Variants in SYNDIG1 observed in about 807,000 individuals in gnomAD.
The protein encoded by SYNDIG1 is synapse differentiation inducing 1, also known as synapse differentiation-inducing gene protein 1.
SYNDIG1 carries 9 observed loss-of-function variants against 19.4 expected under a neutral mutation model. That is an observed-to-expected ratio of 0.46 (90% CI 0.28 to 0.81). The LOEUF (loss-of-function observed/expected upper bound fraction) is 0.81. SYNDIG1 is among the 30% of genes least tolerant of loss of function. The pLI is 0.12. For synonymous variants in SYNDIG1, 141 were observed against 145.9 expected, an observed-to-expected ratio of 0.97 and a Z score of 0.24; for missense variants, 311 against 343.3, an observed-to-expected ratio of 0.91 and a Z score of 0.74.
chr20:24,578,511 C>T (rs1273462996), intron 2 of SYNDIG1, among the ~76,000 whole-genome samples: 1 of 151,508 alleles, frequency 6.6e-6, no homozygotes, highest in Non-Finnish European at 1.5e-5. Context: ...GTAGACAAAT[C>T]GGTATCACGT....
intron 3 of SYNDIG1, among the ~76,000 whole-genome samples, chr20:24,605,422 C>G (rs1030469062): frequency 6.6e-6 from 1 of 152,006 alleles, no homozygotes; most frequent in Non-Finnish European, 1.5e-5. Context: ...TATCTCTCCT[C>G]TCTCTCTCTC....
At chr20:24,626,631 A>G (rs1025265464) in intron 3 of SYNDIG1, among the ~76,000 whole-genome samples, 1 of 147,650 alleles carries the variant, frequency 6.8e-6, no homozygotes, top group African/African-American at 2.5e-5. Context: ...ATCCCAGACG[A>G]TGGGCGGCCA....
intron 3 of SYNDIG1, among the ~76,000 whole-genome samples, chr20:24,627,663 C>G (rs554895174): frequency 6.6e-6 from 1 of 152,382 alleles, no homozygotes; most frequent in African/African-American, 2.4e-5. Context: ...TGGTTTGATT[C>G]CCAGTCTCAG....
At chr20:24,595,696 A>G (rs537361634) in intron 3 of SYNDIG1, among the ~76,000 whole-genome samples, 28 of 152,252 alleles carry the variant, frequency 1.8e-4, no homozygotes, top group African/African-American at 6.3e-4. Context: ...CAGGGGTTCA[A>G]TTTCTTCCTG....
chr20:24,590,178 G>A (rs1414372871), intron 3 of SYNDIG1, among the ~76,000 whole-genome samples: 2 of 152,130 alleles, frequency 1.3e-5, no homozygotes, highest in African/African-American at 2.4e-5. Context: ...TGATAAAGCC[G>A]CCAGTTGAGC....
intron 1 of SYNDIG1, among the ~76,000 whole-genome samples, chr20:24,496,267 G>A (rs1388956537): frequency 6.6e-6 from 1 of 152,172 alleles, no homozygotes; most frequent in Non-Finnish European, 1.5e-5. Context: ...TCCGCCAGCT[G>A]TGGTGCTGAT....
intron 1 of SYNDIG1, among the ~76,000 whole-genome samples, chr20:24,471,617 A>AAG (rs1306590169): frequency 2.0e-5 from 3 of 151,574 alleles, no homozygotes; most frequent in Non-Finnish European, 2.9e-5. Context: ...AAAAAAAAAA[A>AAG]AAGGAAAGAA....
chr20:24,642,204 T>C (rs2059384828), intron 3 of SYNDIG1, among the ~76,000 whole-genome samples: 1 of 152,208 alleles, frequency 6.6e-6, no homozygotes, highest in South Asian at 2.1e-4. Flanking sequence ...CCTTGACAAT[T>C]TTGCAGAGCA....
intron 3 of SYNDIG1, among the ~76,000 whole-genome samples, chr20:24,591,643 T>C (rs1424065742): frequency 6.6e-6 from 1 of 151,944 alleles, no homozygotes; most frequent in Non-Finnish European, 1.5e-5. Context: ...GGAAGGAGAA[T>C]GGGGGGACAG....
intron 3 of SYNDIG1, among the ~76,000 whole-genome samples, chr20:24,606,835 C>A (rs527259667): frequency 6.6e-6 from 1 of 152,286 alleles, no homozygotes; most frequent in East Asian, 1.9e-4. Context: ...AGAATGATTA[C>A]CCCTGGATGC....
intron 3 of SYNDIG1, among the ~76,000 whole-genome samples, chr20:24,636,439 T>G (rs1456701240): frequency 1.3e-5 from 2 of 152,124 alleles, no homozygotes; most frequent in Non-Finnish European, 2.9e-5. Context: ...GCAAAGTACA[T>G]GGGGTTTTAT....
At chr20:24,557,795 G>A (rs1013937615) in intron 2 of SYNDIG1, among the ~76,000 whole-genome samples, 1 of 152,208 alleles carries the variant, frequency 6.6e-6, no homozygotes, top group Non-Finnish European at 1.5e-5. Flanking sequence ...CCCGTTCTCA[G>A]ATCTCCAGCC....
At chr20:24,527,664 T>C (rs2057156635) in intron 1 of SYNDIG1, among the ~76,000 whole-genome samples, 2 of 152,162 alleles carry the variant, frequency 1.3e-5, no homozygotes, top group African/African-American at 4.8e-5. Flanking sequence ...GTCTTTCTCT[T>C]AGAGATGTTT....
At chr20:24,556,891 T>C (rs959399663) in intron 2 of SYNDIG1, among the ~76,000 whole-genome samples, 1 of 152,250 alleles carries the variant, frequency 6.6e-6, no homozygotes, top group Non-Finnish European at 1.5e-5. Context: ...GATAATATCC[T>C]GCAGAGTGTT....
chr20:24,487,487 C>G (rs901815618), intron 1 of SYNDIG1, among the ~76,000 whole-genome samples: 1 of 152,106 alleles, frequency 6.6e-6, no homozygotes. Flanking sequence ...TCCTCCATCT[C>G]TAAGTGAGAG....
intron 3 of SYNDIG1, among the ~76,000 whole-genome samples, chr20:24,635,248 T>C (rs1176836793): frequency 2.0e-5 from 3 of 152,242 alleles, no homozygotes; most frequent in Admixed American, 6.5e-5. Context: ...GGAGAAACCA[T>C]GCAGTGAAGA....
chr20:24,647,231 G>A (rs1429861617), intron 3 of SYNDIG1, among the ~76,000 whole-genome samples: 1 of 152,072 alleles, frequency 6.6e-6, no homozygotes, highest in Non-Finnish European at 1.5e-5. Flanking sequence ...CTCCCAACCA[G>A]GGAACCGAGG....
intron 3 of SYNDIG1, among the ~76,000 whole-genome samples, chr20:24,588,396 CAT>C (rs1568665353): frequency 6.6e-6 from 1 of 152,222 alleles, no homozygotes; most frequent in African/African-American, 2.4e-5. Context: ...AGGTGGGTAA[CAT>C]TGGCTGACCA....
intron 1 of SYNDIG1, among the ~76,000 whole-genome samples, chr20:24,542,772 A>C (rs2146718895): frequency 6.6e-6 from 1 of 152,334 alleles, no homozygotes; most frequent in Admixed American, 6.5e-5. Flanking sequence ...CAATTCCTGC[A>C]GTCTCCTTCA....
Sources: allele counts gnomAD v4.1 joint callset (sites outside exome capture counted in the v4.1 genomes callset), GRCh38; gene constraint gnomAD v4.1.1; transcripts MANE v1.5; gene names NCBI Gene and HGNC (gene_info 2026-07-23, HGNC 2026-07-21).